The following FBXO4 variants were observed in gnomAD, a reference collection of about 807,000 sequenced individuals.
FBXO4 encodes F-box only protein 4.
In FBXO4, 36 loss-of-function variants were observed where a neutral mutation model predicts 43.7. The observed-to-expected ratio is 0.82, with a 90% CI of 0.63 to 1.09. The LOEUF (loss-of-function observed/expected upper bound fraction) is 1.09, where lower values mean the gene tolerates loss of function less well. Among genes scored for constraint, FBXO4 ranks in the 50% least tolerant of loss-of-function variants. FBXO4 has a pLI of 0.00. For synonymous variants in FBXO4, 180 were observed against 165.6 expected, an observed-to-expected ratio of 1.09 and a Z score of -0.67; for missense variants, 435 against 474.1, an observed-to-expected ratio of 0.92 and a Z score of 0.77.
chr5:42,019,727 G>A, the FBXO4 span, among the ~76,000 whole-genome samples: 4 of 150,428 alleles, frequency 2.7e-5, no homozygotes, highest in African/African-American at 9.7e-5. Context: ...AAAGAAAAAA[G>A]AAAATGTAAA....
At chr5:41,937,873 G>A (rs1176619490) in intron 5 of FBXO4, among the ~76,000 whole-genome samples, 1 of 152,206 alleles carries the variant, frequency 6.6e-6, no homozygotes, top group Non-Finnish European at 1.5e-5. Context: ...ACTTATAAGA[G>A]TAAAGCCCTT....
chr5:41,944,971 GA>G (rs1321443137), downstream of FBXO4, among the ~76,000 whole-genome samples: 1 of 152,190 alleles, frequency 6.6e-6, no homozygotes, highest in African/African-American at 2.4e-5. Context: ...GAGTCTGGGG[GA>G]GATCTAAGCT....
At chr5:41,948,102 C>A in the FBXO4 span, among the ~76,000 whole-genome samples, 1 of 150,580 alleles carries the variant, frequency 6.6e-6, no homozygotes, top group Admixed American at 6.6e-5. Flanking sequence ...TTTAAATGAC[C>A]TTATTGTTAG....
chr5:42,002,037 A>C, the FBXO4 span, among the ~76,000 whole-genome samples: 4 of 152,160 alleles, frequency 2.6e-5, no homozygotes, highest in Non-Finnish European at 5.9e-5. Context: ...GTGTTTAGAA[A>C]CATGACTAAA....
chr5:42,021,648 A>T, the FBXO4 span, among the ~76,000 whole-genome samples: 1 of 152,278 alleles, frequency 6.6e-6, no homozygotes, highest in Admixed American at 6.6e-5. Context: ...CATATCACTT[A>T]GAATTTAGGT....
At chr5:41,931,829 A>T (rs1243255415) in intron 3 of FBXO4, among the ~76,000 whole-genome samples, 1 of 152,206 alleles carries the variant, frequency 6.6e-6, no homozygotes, top group East Asian at 1.9e-4. Flanking sequence ...TTAAATGGAG[A>T]TTCATAAGTA....
At chr5:41,983,321 C>T in the FBXO4 span, among the ~76,000 whole-genome samples, 1 of 151,978 alleles carries the variant, frequency 6.6e-6, no homozygotes, top group Non-Finnish European at 1.5e-5. Flanking sequence ...CCTTTATATG[C>T]TAATTTTTGC....
the FBXO4 span, among the ~76,000 whole-genome samples, chr5:41,997,545 T>A: frequency 6.6e-6 from 1 of 152,168 alleles, no homozygotes; most frequent in Non-Finnish European, 1.5e-5. Flanking sequence ...TCTATGCCAA[T>A]TATGCATTCT....
At chr5:41,948,174 C>T in the FBXO4 span, among the ~76,000 whole-genome samples, 2 of 143,552 alleles carry the variant, frequency 1.4e-5, no homozygotes, top group Non-Finnish European at 3.0e-5. Flanking sequence ...TCTCGCTCAT[C>T]GCCCAGGCTG....
At chr5:41,988,097 T>C in the FBXO4 span, among the ~76,000 whole-genome samples, 2 of 152,180 alleles carry the variant, frequency 1.3e-5, no homozygotes, top group Non-Finnish European at 2.9e-5. Flanking sequence ...ACACGGCTTT[T>C]AGTAATATGG....
the FBXO4 span, among the ~76,000 whole-genome samples, chr5:41,959,380 GA>G: frequency 6.6e-6 from 1 of 151,744 alleles, no homozygotes; most frequent in Admixed American, 6.6e-5. Context: ...TTTGTTTTGC[GA>G]AAGTTTTTCA....
the FBXO4 span, among the ~76,000 whole-genome samples, chr5:41,950,060 T>G: frequency 1.3e-5 from 2 of 152,082 alleles, no homozygotes; most frequent in Non-Finnish European, 2.9e-5. Context: ...ATACAAAAAT[T>G]AACTCAAGAT....
At chr5:41,987,196 C>T in the FBXO4 span, among the ~76,000 whole-genome samples, 1 of 152,046 alleles carries the variant, frequency 6.6e-6, no homozygotes, top group Admixed American at 6.6e-5. Flanking sequence ...GAGATTATAA[C>T]ATTATGTTCA....
At chr5:42,035,950 T>C in the FBXO4 span, among the ~76,000 whole-genome samples, 1 of 152,144 alleles carries the variant, frequency 6.6e-6, no homozygotes, top group Non-Finnish European at 1.5e-5. Context: ...CCTTGATTTG[T>C]GGTAAGGTGA....
At chr5:42,012,293 T>G in the FBXO4 span, among the ~76,000 whole-genome samples, 1,134 of 152,222 alleles carry the variant, frequency 7.4e-3, 11 homozygotes, top group African/African-American at 0.026. Flanking sequence ...AGATGTACCT[T>G]GAGAAAATCT....
intron 1 of FBXO4, among the ~76,000 whole-genome samples, chr5:41,926,617 A>G (rs1254952020): frequency 4.6e-5 from 7 of 152,234 alleles, no homozygotes; most frequent in African/African-American, 1.7e-4. Context: ...TGGTCTGATG[A>G]TAAAATCAGA....
the FBXO4 span, among the ~76,000 whole-genome samples, chr5:42,000,814 A>G: frequency 6.6e-6 from 1 of 152,184 alleles, no homozygotes; most frequent in African/African-American, 2.4e-5. Context: ...TTTTCCCATA[A>G]CAATTTACTG....
chr5:41,996,766 C>T, the FBXO4 span, among the ~76,000 whole-genome samples: 5 of 145,708 alleles, frequency 3.4e-5, no homozygotes, highest in Non-Finnish European at 5.9e-5. Flanking sequence ...GCAACTTATC[C>T]TTCACTAGAA....
the FBXO4 span, among the ~76,000 whole-genome samples, chr5:41,981,723 T>C: frequency 6.6e-6 from 1 of 151,124 alleles, no homozygotes; most frequent in East Asian, 1.9e-4. Context: ...TTTTTGGTTT[T>C]TGGTTTTTTT....
Sources: allele counts gnomAD v4.1 joint callset (sites outside exome capture counted in the v4.1 genomes callset), GRCh38; gene constraint gnomAD v4.1.1; transcripts MANE v1.5; gene names NCBI Gene and HGNC (gene_info 2026-07-23, HGNC 2026-07-21).